PBX1: variants seen among roughly 807,000 people sequenced by gnomAD.
The protein encoded by PBX1 is pre-B-cell leukemia transcription factor 1.
Under a neutral mutation model 53.4 loss-of-function variants are expected in PBX1, and 6 were observed. The observed-to-expected ratio is 0.11, with a 90% CI of 0.06 to 0.22. The LOEUF is 0.22. PBX1 is among the 10% of genes least tolerant of loss of function. The pLI is 1.00. For synonymous variants in PBX1, 204 were observed against 212.3 expected, an observed-to-expected ratio of 0.96 and a Z score of 0.34; for missense variants, 251 against 551.4, an observed-to-expected ratio of 0.46 and a Z score of 5.46.
chr1:164,811,630 A>T (rs1297165505), intron 5 of PBX1, among the ~76,000 whole-genome samples: 1 of 152,218 alleles, frequency 6.6e-6, no homozygotes, highest in Non-Finnish European at 1.5e-5. Context: ...GATAAACGCT[A>T]GGGGCATTTC....
chr1:164,673,029 A>G (rs1475379479), intron 2 of PBX1, among the ~76,000 whole-genome samples: 13 of 152,092 alleles, frequency 8.5e-5, no homozygotes, highest in Non-Finnish European at 1.5e-5. Context: ...CATTGAGCTC[A>G]CTCAGATGTG....
chr1:164,854,793 C>T (rs1671941522), downstream of PBX1, among the ~76,000 whole-genome samples: 1 of 152,076 alleles, frequency 6.6e-6, no homozygotes. Flanking sequence ...AAAGACAATG[C>T]AGCTCTTATT....
At chr1:164,823,621 G>T (rs1460376976) in intron 8 of PBX1, among the ~76,000 whole-genome samples, 1 of 94,442 alleles carries the variant, frequency 1.1e-5, no homozygotes, top group South Asian at 4.5e-4. Flanking sequence ...GGGGGGTGGG[G>T]GGGGGGGTCA....
intron 2 of PBX1, among the ~76,000 whole-genome samples, chr1:164,615,736 G>A (rs1657235177): frequency 6.6e-6 from 1 of 152,172 alleles, no homozygotes; most frequent in South Asian, 2.1e-4. Flanking sequence ...AGTTAGAACA[G>A]CATTTAATTG....
intron 2 of PBX1, among the ~76,000 whole-genome samples, chr1:164,654,420 A>G (rs755563096): frequency 1.7e-4 from 26 of 152,154 alleles, no homozygotes; most frequent in African/African-American, 4.6e-4. Context: ...TAAACTTACT[A>G]TGTCGTGTGA....
At chr1:164,744,404 G>C (rs1405326100) in intron 2 of PBX1, among the ~76,000 whole-genome samples, 2 of 152,124 alleles carry the variant, frequency 1.3e-5, no homozygotes, top group Non-Finnish European at 2.9e-5. Context: ...TACGTCTAAT[G>C]AGCAAATAAT....
chr1:164,762,730 G>A (rs1019237590), intron 2 of PBX1, among the ~76,000 whole-genome samples: 4 of 152,158 alleles, frequency 2.6e-5, no homozygotes, highest in Admixed American at 2.6e-4. Flanking sequence ...GAACATCTTT[G>A]TAGCAAATTT....
chr1:164,660,747 A>C (rs1223424481), intron 2 of PBX1, among the ~76,000 whole-genome samples: 1 of 152,198 alleles, frequency 6.6e-6, no homozygotes, highest in Non-Finnish European at 1.5e-5. Flanking sequence ...GAGGTTAGAA[A>C]ACCAAACATA....
intron 2 of PBX1, among the ~76,000 whole-genome samples, chr1:164,733,601 A>G (rs957626442): frequency 3.9e-5 from 6 of 152,176 alleles, no homozygotes; most frequent in African/African-American, 1.4e-4. Context: ...ACTATGTAGT[A>G]TGTTTTTGTT....
chr1:164,688,819 CTCT>C (rs1662278669), intron 2 of PBX1, among the ~76,000 whole-genome samples: 1 of 152,210 alleles, frequency 6.6e-6, no homozygotes, highest in African/African-American at 2.4e-5. Flanking sequence ...ATTTCCTGAA[CTCT>C]TCTTTGCACA....
chr1:164,716,681 T>A (rs918937976), intron 2 of PBX1, among the ~76,000 whole-genome samples: 48 of 67,118 alleles, frequency 7.2e-4, no homozygotes, highest in Non-Finnish European at 9.1e-5. Flanking sequence ...GGAAATGTCA[T>A]CTCTACACAC....
At chr1:164,702,723 A>C (rs1353276922) in intron 2 of PBX1, among the ~76,000 whole-genome samples, 1 of 151,868 alleles carries the variant, frequency 6.6e-6, no homozygotes, top group African/African-American at 2.4e-5. Flanking sequence ...ACAGAGGGGG[A>C]AATCACTTCT....
chr1:164,812,223 G>T, intron 6 of PBX1, 74 bp downstream of exon 6: 3 of 1,364,934 alleles, frequency 2.2e-6, no homozygotes, highest in African/African-American at 1.5e-5. Context: ...CCTACATTGG[G>T]ATTTTCTTTT....
At chr1:164,616,557 G>C (rs1285176778) in intron 2 of PBX1, among the ~76,000 whole-genome samples, 1 of 152,132 alleles carries the variant, frequency 6.6e-6, no homozygotes, top group South Asian at 2.1e-4. Flanking sequence ...AGTTATTAAT[G>C]TAGAAATTTT....
intron 2 of PBX1, among the ~76,000 whole-genome samples, chr1:164,582,344 T>G (rs1654668694): frequency 6.6e-6 from 1 of 152,088 alleles, no homozygotes; most frequent in South Asian, 2.1e-4. Flanking sequence ...ACATTTAGAA[T>G]TGGAAACTAA....
chr1:164,680,920 T>C (rs1661728593), intron 2 of PBX1: 1 of 152,240 alleles, frequency 6.6e-6, no homozygotes, highest in Admixed American at 6.5e-5. Flanking sequence ...CATAACTCTA[T>C]AGACACTTAC....
At chr1:164,797,732 G>C (rs12061419) in intron 3 of PBX1, among the ~76,000 whole-genome samples, 1,539 of 152,262 alleles carry the variant, frequency 0.01, 29 homozygotes, top group African/African-American at 0.035. Context: ...TCTATATTTT[G>C]AAGAGATAAT....
chr1:164,613,810 T>C (rs1160964176), intron 2 of PBX1, among the ~76,000 whole-genome samples: 1 of 152,100 alleles, frequency 6.6e-6, no homozygotes, highest in African/African-American at 2.4e-5. Context: ...ACCAAACTCT[T>C]AGTCCCACTC....
At chr1:164,817,958 T>C (rs1006063252) in intron 6 of PBX1, 3 of 152,136 alleles carry the variant, frequency 2.0e-5, no homozygotes, top group African/African-American at 7.2e-5. Flanking sequence ...CTAGAGACGA[T>C]GGGAGAGAAG....
Sources: gnomAD v4.1 joint callset for allele counts (sites outside exome capture counted in the v4.1 genomes callset) on GRCh38, gnomAD v4.1.1 for gene constraint, MANE v1.5 for transcripts, NCBI Gene and HGNC (gene_info 2026-07-23, HGNC 2026-07-21) for gene names.